Variants in ZNF480 observed in about 807,000 individuals in gnomAD.
The protein encoded by ZNF480 is zinc finger protein 480.
Under a neutral mutation model 14.4 loss-of-function variants are expected in ZNF480, and 15 were observed. The observed-to-expected ratio is 1.04, with a 90% CI of 0.70 to 1.60. ZNF480 has a LOEUF of 1.60. ZNF480 is among the 40% of genes most tolerant of loss of function. ZNF480 has a pLI of 0.00. For synonymous variants in ZNF480, 218 were observed against 215.5 expected (o/e 1.01, Z -0.10); for missense variants, 593 against 629.7 (o/e 0.94, Z 0.62).
intron 2 of ZNF480, among the ~76,000 whole-genome samples, chr19:52,313,445 C>CTT (rs766111185): frequency 1.2e-4 from 17 of 144,622 alleles, no homozygotes; most frequent in African/African-American, 4.0e-4. Flanking sequence ...GCCTATAATT[C>CTT]TTTTTTTTTT....
At chr19:52,320,869 C>A (rs896059795) in intron 4 of ZNF480, among the ~76,000 whole-genome samples, 1 of 152,080 alleles carries the variant, frequency 6.6e-6, no homozygotes, top group African/African-American at 2.4e-5. Flanking sequence ...CCCAGCTACT[C>A]AGGAGGCTGA....
At position 52,315,878 on chromosome 19, in the gene ZNF480, AGGAG is replaced by A. The variant is rs1983527885; in HGVS notation, c.249_252del (p.Arg83SerfsTer9). ...GAATATTAACTCCATGTTGGAGCAA[AGGAG>A]GGAGCCCTGGTCTGGTGAGAGTGAA... On this transcript the variant is annotated frameshift_variant, in exon 4 of 5. Coordinates refer to ENST00000595962, the MANE Select transcript of ZNF480 (RefSeq NM_144684.4). LOFTEE classifies it high-confidence loss of function. 2 of 1,613,218 alleles carry A rather than the reference AGGAG, an allele frequency of 1.2e-6. No individual in the cohort carries two copies. Among genetic ancestry groups the A allele is most frequent in the South Asian group, 2.2e-5 (2 of 91,010 alleles).
intron 4 of ZNF480, among the ~76,000 whole-genome samples, chr19:52,318,394 C>T (rs1043902905): frequency 6.6e-6 from 1 of 152,160 alleles, no homozygotes; most frequent in Non-Finnish European, 1.5e-5. Flanking sequence ...AGGCATGAGC[C>T]ACCACATCCG....
At chr19:52,306,957 T>C (rs1244866277) in intron 2 of ZNF480, among the ~76,000 whole-genome samples, 3 of 151,720 alleles carry the variant, frequency 2.0e-5, no homozygotes, top group Non-Finnish European at 4.4e-5. Context: ...TGTAGACGGG[T>C]AGGGACAAAC....
At chr19:52,311,930 C>CAT (rs1021130836) in intron 2 of ZNF480, among the ~76,000 whole-genome samples, 11 of 152,070 alleles carry the variant, frequency 7.2e-5, no homozygotes, top group African/African-American at 2.4e-4. Context: ...TCTAAGTGTA[C>CAT]ATATATATAA....
At chr19:52,318,505 T>TTCTA (rs1321912617) in intron 4 of ZNF480, among the ~76,000 whole-genome samples, 3 of 152,222 alleles carry the variant, frequency 2.0e-5, no homozygotes, top group African/African-American at 4.8e-5. Context: ...AATTGTTTTC[T>TTCTA]TCTATCCACA....
chr19:52,321,904 T>C lies in ZNF480; in HGVS notation c.654T>C (p.Leu218=). Reference sequence around the variant, plus strand: ...AAGTCTTTAGAGTATCTTCCAGCCTTACTAAACATCAAGTAATCCATACTG... The same window carrying C: ...AAGTCTTTAGAGTATCTTCCAGCCTCACTAAACATCAAGTAATCCATACTG... The part of the protein sequence containing the change: ...HSKVFRVSSS[L]TKHQVIHTVE... Residue 218 remains leucine (L), a synonymous_variant, in exon 5 of 5, where the codon CTT becomes CTC. Coordinates refer to ENST00000595962, the MANE Select transcript of ZNF480 (RefSeq NM_144684.4). 1.2e-6 allele frequency: 2 copies of C among 1,614,138 alleles called. No individual in the cohort carries two copies. Among genetic ancestry groups the C allele is most frequent in the Non-Finnish European group, 1.7e-6 (2 of 1,180,008 alleles).
chr19:52,312,527 T>C (rs1023248263), intron 2 of ZNF480, among the ~76,000 whole-genome samples: 1 of 152,198 alleles, frequency 6.6e-6, no homozygotes, highest in Non-Finnish European at 1.5e-5. Context: ...CTTAGGTAAT[T>C]GTCAATTTAC....
Position 52,321,905 on chromosome 19 carries a change from A to C in ZNF480, c.655A>C (p.Thr219Pro). The C allele has an allele frequency of 1.9e-6, 3 of 1,614,156 alleles. No homozygotes were observed. Among genetic ancestry groups the C allele is most frequent in the Non-Finnish European group, 1.7e-6 (2 of 1,180,018 alleles). Residue 219 changes from threonine to proline, a missense_variant, in exon 5 of 5, where the codon ACT becomes CCT. Physicochemically the swap from Thr to Pro is conservative, Grantham distance 38. Transcript: ENST00000595962. Reference protein sequence around the residue: ...SKVFRVSSSLTKHQVIHTVEK... With the variant: ...SKVFRVSSSLPKHQVIHTVEK... ...AGTCTTTAGAGTATCTTCCAGCCTT[A>C]CTAAACATCAAGTAATCCATACTGT...
At position 52,323,341 on chromosome 19, in the gene ZNF480, G is replaced by C. The variant is rs1983938302; in HGVS notation, c.*483G>C. The C allele has an allele frequency of 6.6e-6, 1 of 151,894 alleles. No individual in the cohort carries two copies. Among genetic ancestry groups the C allele is most frequent in the Non-Finnish European group, 1.5e-5 (1 of 68,178 alleles). 9.4% of individuals were successfully genotyped at this position (151,894 alleles called of 1,614,324 possible). A position where few individuals can be genotyped will look rare whatever the true frequency, so the allele number is the denominator to read the frequency against. ...ATCTATCAAACAAAACTCTGGACCA[G>C]ACAGATTTATAGTTGAAGCCTACGA... is the stretch of plus-strand genomic sequence containing the variant. On this transcript the variant is annotated 3_prime_UTR_variant, in exon 5 of 5. Coordinates refer to ENST00000595962, the MANE Select transcript of ZNF480 (RefSeq NM_144684.4).
intron 2 of ZNF480, among the ~76,000 whole-genome samples, chr19:52,312,882 G>A (rs1375962480): frequency 3.3e-5 from 5 of 151,896 alleles, no homozygotes; most frequent in African/African-American, 1.2e-4. Flanking sequence ...GTGCAGTGGT[G>A]TGATGTTGGC....
rs533341947 is a variant in ZNF480 at position 52,321,974 on chromosome 19, C to T, written c.724C>T (p.Arg242Cys). ...KCNSCGKVFS[R>C]NSHLAEHCRI... ...TAATTCATGCGGCAAGGTCTTTAGT[C>T]GCAATTCACACCTTGCAGAACATTG... Residue 242 changes from arginine to cysteine, a missense_variant, in exon 5 of 5, where the codon CGC (arginine) becomes TGC (cysteine). Arg to Cys is a radical substitution (Grantham distance 180, BLOSUM62 -3). Transcript: ENST00000595962. 36 of 1,612,348 alleles carry T rather than the reference C, an allele frequency of 2.2e-5. No homozygotes were observed. Among genetic ancestry groups the T allele is most frequent in the East Asian group, 1.3e-4 (6 of 44,852 alleles).
intron 2 of ZNF480, chr19:52,308,859 A>T (rs1983125718): frequency 6.6e-6 from 1 of 150,986 alleles, no homozygotes; most frequent in African/African-American, 2.4e-5. Flanking sequence ...TATTATTATC[A>T]TTTTTTCAAC....
chr19:52,315,807 C>T (rs1036079286), intron 3 of ZNF480, 27 bp from the exon 4 acceptor site: 2 of 1,595,442 alleles, frequency 1.3e-6, no homozygotes, highest in Non-Finnish European at 1.7e-6. Context: ...TGCTACAGCA[C>T]ATTTTGATTT....
At position 52,300,491 on chromosome 19, in the gene ZNF480, T is replaced by C; in HGVS notation, c.72+7T>C. The stretch of plus-strand genomic sequence containing the variant: ...AGGGATGGCTCTTCCTCAGGTGAGA[T>C]GATATTCTCGGTGGATTGTTCTGTC... On this transcript the variant is annotated splice_region_variant and intron_variant, in intron 2 of 4. Coordinates refer to ENST00000595962, the MANE Select transcript of ZNF480 (RefSeq NM_144684.4). 6.2e-7 allele frequency: 1 copy of C among 1,610,714 alleles called. No homozygotes were observed. The highest frequency in any genetic ancestry group is 8.5e-7 in the Non-Finnish European group (1 of 1,179,706).
At chr19:52,309,345 G>C (rs1315438549) in intron 2 of ZNF480, among the ~76,000 whole-genome samples, 1 of 152,162 alleles carries the variant, frequency 6.6e-6, no homozygotes, top group Non-Finnish European at 1.5e-5. Flanking sequence ...GGGTGACCAG[G>C]TTCTGCTGAG....
At chr19:52,314,059 TCAATC>T in intron 2 of ZNF480, 89 bp from the exon 3 acceptor site, 1 of 1,341,736 alleles carries the variant, frequency 7.5e-7, no homozygotes, top group Non-Finnish European at 1.0e-6. Context: ...AACATTCTCT[TCAATC>T]CAGTTAATCT....
At chr19:52,306,282 C>T (rs1220254455) in intron 2 of ZNF480, among the ~76,000 whole-genome samples, 1 of 152,204 alleles carries the variant, frequency 6.6e-6, no homozygotes, top group Non-Finnish European at 1.5e-5. Flanking sequence ...ATAAAATCTG[C>T]ATACAGTTCT....
chr19:52,297,297 C>T (rs1982448073), intron 1 of ZNF480, 74 bp downstream of exon 1: 1 of 426,916 alleles, frequency 2.3e-6, no homozygotes, highest in Non-Finnish European at 4.7e-6. Flanking sequence ...ATCTGAGGGG[C>T]CACACAGACC....
Sources: gnomAD v4.1 joint callset for allele counts (sites outside exome capture counted in the v4.1 genomes callset) on GRCh38, gnomAD v4.1.1 for gene constraint, MANE v1.5 for transcripts, NCBI Gene and HGNC (gene_info 2026-07-23, HGNC 2026-07-21) for gene names.